DAGLA: variants seen among roughly 807,000 people sequenced by gnomAD.
The protein encoded by DAGLA is diacylglycerol lipase-alpha.
Under a neutral mutation model 102.6 loss-of-function variants are expected in DAGLA, and 22 were observed. The observed-to-expected ratio is 0.21, with a 90% CI of 0.15 to 0.31. DAGLA has a LOEUF of 0.31. Ranked by LOEUF, DAGLA falls within the 10% of genes least tolerant of loss-of-function variation. The pLI is 1.00. For missense variants in DAGLA, 927 were observed against 1,446.6 expected (o/e 0.64, Z 5.83); for synonymous variants, 578 against 628.9 (o/e 0.92, Z 1.21).
chr11:61,724,170 A>G (rs1591043675), intron 5 of DAGLA, among the ~76,000 whole-genome samples: 1 of 152,106 alleles, frequency 6.6e-6, no homozygotes. Context: ...AGAGGGGGTG[A>G]GTTTTGCATG....
intron 1 of DAGLA, among the ~76,000 whole-genome samples, chr11:61,703,827 T>A (rs1278470710): frequency 2.0e-5 from 3 of 152,216 alleles, no homozygotes; most frequent in East Asian, 3.9e-4. Context: ...GCATAACAAA[T>A]GTATTTAATC....
chr11:61,703,969 C>A (rs2065129920), intron 1 of DAGLA, among the ~76,000 whole-genome samples: 1 of 152,210 alleles, frequency 6.6e-6, no homozygotes. Flanking sequence ...AGTAAGACCC[C>A]ATGGGAGCAG....
chr11:61,696,210 C>T (rs1412122619), intron 1 of DAGLA, among the ~76,000 whole-genome samples: 7 of 152,130 alleles, frequency 4.6e-5, no homozygotes, highest in African/African-American at 1.7e-4. Flanking sequence ...GCGCCAGTGC[C>T]GGGATTTCCC....
rs1358230274 is a variant in DAGLA at position 61,731,379 on chromosome 11, G to A, written c.912G>A (p.Gly304=). ...TGCTCTTTGCCCTGGCTGCCTACGG[G>A]TGGCCCATGTACCTGATGCGGAAGC... ...YYMLFALAAY[G]WPMYLMRKPA... is the part of the protein sequence containing the mutation. Residue 304 remains glycine, a synonymous_variant, in exon 9 of 20, where the codon GGG becomes GGA. Coordinates refer to ENST00000257215, the MANE Select transcript of DAGLA (RefSeq NM_006133.3). 1.9e-6 allele frequency: 3 copies of A among 1,614,004 alleles called. No homozygotes were observed. The highest frequency in any genetic ancestry group is 2.2e-5 in the East Asian group (1 of 44,890).
At position 61,739,524 on chromosome 11, in the gene DAGLA, A is replaced by G; in HGVS notation, c.1716A>G (p.Val572=). ...CIPKSELPEE[V]EVTTLASTRL... Reference sequence around the variant, plus strand: ...CCAAGTCGGAGCTGCCTGAGGAGGTAGAGGTGACCACCCTGGCCAGCACGC... The same window carrying G: ...CCAAGTCGGAGCTGCCTGAGGAGGTGGAGGTGACCACCCTGGCCAGCACGC... Residue 572 remains valine (V), a synonymous_variant, in exon 17 of 20, where the codon GTA becomes GTG. Coordinates refer to ENST00000257215, the MANE Select transcript of DAGLA (RefSeq NM_006133.3). 6.2e-7 allele frequency: 1 copy of G among 1,614,122 alleles called. No homozygotes were observed. The highest frequency in any genetic ancestry group is 8.5e-7 in the Non-Finnish European group (1 of 1,180,038).
At chr11:61,731,986 A>G (rs2065379180) in intron 9 of DAGLA, among the ~76,000 whole-genome samples, 1 of 152,194 alleles carries the variant, frequency 6.6e-6, no homozygotes. Context: ...AACCTTCTTC[A>G]TAGGATCTAG....
At chr11:61,702,943 G>A (rs138803830) in intron 1 of DAGLA, among the ~76,000 whole-genome samples, 56 of 152,340 alleles carry the variant, frequency 3.7e-4, no homozygotes, top group African/African-American at 8.7e-4. Context: ...CGCCCACAGC[G>A]TGGTCGTTGG....
At chr11:61,719,359 A>G (rs1440362718) in intron 1 of DAGLA, among the ~76,000 whole-genome samples, 2 of 152,048 alleles carry the variant, frequency 1.3e-5, no homozygotes, top group Non-Finnish European at 2.9e-5. Flanking sequence ...TCCTTCCAGC[A>G]GTGTGGGGTG....
In DAGLA at chr11:61,743,576, G is replaced by T. The variant is rs777763664; in HGVS notation, c.2216G>T (p.Gly739Val). The change falls in exon 20 of 20, where the codon GGG becomes GTG. Residue 739 changes from glycine (G) to valine (V), a missense_variant. By Grantham distance (109) the Gly-to-Val change is moderately radical. Coordinates refer to ENST00000257215, the MANE Select transcript of DAGLA (RefSeq NM_006133.3). ...SEMSLEGFSE[G>V]RLLSPVVAAA... The stretch of plus-strand genomic sequence containing the variant: ...ATGAGCCTGGAGGGCTTCTCGGAGG[G>T]GCGGCTGCTGTCGCCAGTGGTTGCG... 2.6e-6 allele frequency: 4 copies of T among 1,553,826 alleles called. No homozygotes were observed. The African/African-American group carries it at 5.5e-5, about 21-fold the overall frequency.
At position 61,746,450 on chromosome 11, in the gene DAGLA, C is replaced by G. The variant is rs1480772565; in HGVS notation, c.*1961C>G. On this transcript the variant is annotated 3_prime_UTR_variant, in exon 20 of 20. Coordinates refer to ENST00000257215, the MANE Select transcript of DAGLA (RefSeq NM_006133.3). ...TCTGCCAGGGTGGGTCCTGGGACCTCTAATGTGGGCATGTCGTCCACCCCA... is the reference window on the plus strand; with the variant it reads ...TCTGCCAGGGTGGGTCCTGGGACCTGTAATGTGGGCATGTCGTCCACCCCA... 6.6e-6 allele frequency: 1 copy of G among 152,532 alleles called. No homozygotes were observed. The highest frequency in any genetic ancestry group is 2.4e-5 in the African/African-American group (1 of 41,454). 9.4% of individuals were successfully genotyped at this position (152,532 alleles called of 1,614,324 possible).
chr11:61,682,107 C>T (rs1057499586), intron 1 of DAGLA, among the ~76,000 whole-genome samples: 3 of 152,078 alleles, frequency 2.0e-5, no homozygotes, highest in Non-Finnish European at 2.9e-5. Context: ...TCCCTATAAC[C>T]GGAGCACTGT....
At chr11:61,681,154 C>T (rs1237374856) in intron 1 of DAGLA, among the ~76,000 whole-genome samples, 5 of 152,158 alleles carry the variant, frequency 3.3e-5, no homozygotes, top group Non-Finnish European at 5.9e-5. Context: ...GCCCATCCTT[C>T]CTCACGGGCG....
At chr11:61,709,829 G>A (rs1053278296) in intron 1 of DAGLA, among the ~76,000 whole-genome samples, 37 of 152,264 alleles carry the variant, frequency 2.4e-4, no homozygotes, top group African/African-American at 8.4e-4. Flanking sequence ...CGAGATGCCC[G>A]GGGTACAGTC....
rs1197424644 is a variant in DAGLA at position 61,743,999 on chromosome 11, A to G, written c.2639A>G (p.Glu880Gly). The change falls in exon 20 of 20, where the codon GAA (glutamate) becomes GGA (glycine). Residue 880 changes from glutamate to glycine, a missense_variant. By Grantham distance (98) the Glu-to-Gly change is moderately conservative. Transcript: ENST00000257215. ...PPSAAANDEE[E>G]EVGGGGGGPA... Reference sequence around the variant, plus strand: ...AGTGCTGCGGCCAATGACGAGGAGGAAGAGGTTGGCGGTGGGGGTGGCGGG... The same window carrying G: ...AGTGCTGCGGCCAATGACGAGGAGGGAGAGGTTGGCGGTGGGGGTGGCGGG... 4 of 1,611,930 alleles carry G rather than the reference A, an allele frequency of 2.5e-6. No individual in the cohort carries two copies. The South Asian group carries it at 4.4e-5, about 18-fold the overall frequency.
intron 6 of DAGLA, 100 bp from the exon 7 acceptor site, chr11:61,728,053 C>T: frequency 7.1e-7 from 1 of 1,418,308 alleles, no homozygotes; most frequent in Non-Finnish European, 9.8e-7. Flanking sequence ...CGAGCAGACA[C>T]CTGCTTCTGC....
intron 1 of DAGLA, among the ~76,000 whole-genome samples, chr11:61,719,222 G>A (rs1167262324): frequency 6.6e-6 from 1 of 152,236 alleles, no homozygotes; most frequent in Non-Finnish European, 1.5e-5. Flanking sequence ...TCCTGAGCTT[G>A]CTTGGGGCTG....
At chr11:61,691,809 G>C (rs544182718) in intron 1 of DAGLA, among the ~76,000 whole-genome samples, 8 of 152,326 alleles carry the variant, frequency 5.3e-5, no homozygotes, top group African/African-American at 1.9e-4. Flanking sequence ...CTCCTGCTGG[G>C]GGTAGTCTTG....
intron 8 of DAGLA, among the ~76,000 whole-genome samples, chr11:61,730,512 C>T (rs1403220278): frequency 2.6e-5 from 4 of 152,166 alleles, no homozygotes. Flanking sequence ...AGGTGACTAA[C>T]CACCCTCCTT....
rs898750848 is a variant in DAGLA, at chr11:61,684,680, G to A, written c.-45+4176G>A. On this transcript the variant is annotated intron_variant, in intron 1 of 19. Coordinates refer to ENST00000257215, the MANE Select transcript of DAGLA (RefSeq NM_006133.3). This position sits in a 1 kb window ranked among gnomAD's most constrained non-coding sequence, Gnocchi z 4.5. ...GGCTGTTATTACCGCGGGGCTGCCC[G>A]GGGAGTGCACGTGTGTAAAGTTGCT... is the stretch of plus-strand genomic sequence containing the variant. Among the ~76,000 whole-genome samples the A allele has an allele frequency of 6.6e-6, 1 of 152,162 alleles. No homozygotes were observed. The highest frequency in any genetic ancestry group is 2.4e-5 in the African/African-American group (1 of 41,426).
Sources: gnomAD v4.1 joint callset for allele counts (sites outside exome capture counted in the v4.1 genomes callset) on GRCh38, gnomAD v4.1.1 for gene constraint, Gnocchi (gnomAD v3.1) non-coding constraint, MANE v1.5 for transcripts, NCBI Gene and HGNC (gene_info 2026-07-23, HGNC 2026-07-21) for gene names.